PEAK1: variants seen among roughly 807,000 people sequenced by gnomAD.
The protein encoded by PEAK1 is pseudopodium enriched atypical kinase 1.
Under a neutral mutation model 124.7 loss-of-function variants are expected in PEAK1, and 54 were observed. The observed-to-expected ratio is 0.43, with a 90% CI of 0.35 to 0.54. PEAK1 has a LOEUF of 0.54. Ranked by LOEUF, PEAK1 falls within the 20% of genes least tolerant of loss-of-function variation. PEAK1 has a pLI of 0.01. For synonymous variants in PEAK1, 719 were observed against 760.0 expected (o/e 0.95, Z 0.89); for missense variants, 2,046 against 2,134.5 (o/e 0.96, Z 0.82).
chr15:77,313,783 T>C (rs1156396681), intron 2 of PEAK1, among the ~76,000 whole-genome samples: 1 of 150,404 alleles, frequency 6.6e-6, no homozygotes, highest in Non-Finnish European at 1.5e-5. Context: ...GATTTCTCCA[T>C]GTTGGTCAGG....
In PEAK1 at chr15:77,114,432, G is replaced by A. The variant is rs1470838639; in HGVS notation, c.4965C>T (p.Leu1655=). Residue 1655 remains leucine, a synonymous_variant, in exon 10 of 10, where the codon CTC becomes CTT. Coordinates refer to ENST00000682557, the MANE Select transcript of PEAK1 (RefSeq NM_001385026.1). ...LLNPNPSERI[L]ISDAKGILQC... ...GGAGGATGCCTTTGGCGTCTGAAATGAGGATCCGCTCAGAAGGGTTGGGAT... is the reference window on the plus strand; with the variant it reads ...GGAGGATGCCTTTGGCGTCTGAAATAAGGATCCGCTCAGAAGGGTTGGGAT... 6.2e-7 allele frequency: 1 copy of A among 1,614,022 alleles called. No individual in the cohort carries two copies. The highest frequency in any genetic ancestry group is 1.3e-5 in the African/African-American group (1 of 74,896).
rs559192671 is a variant in PEAK1, at chr15:77,153,791, G to A, written c.3331+4712C>T. Reference sequence around the variant, plus strand: ...TTGTTCAGTTTCCATGCAGTTGAGCGGTTTTGAGTGAATTTCTTAATCCTG... The same window carrying A: ...TTGTTCAGTTTCCATGCAGTTGAGCAGTTTTGAGTGAATTTCTTAATCCTG... On this transcript the variant is annotated intron_variant, in intron 8 of 9. Transcript: ENST00000682557. Among the ~76,000 whole-genome samples the A allele has an allele frequency of 4.7e-4, 72 of 152,242 alleles. 2 individuals carry two copies. The South Asian group carries it at 0.011, about 24-fold the overall frequency.
At chr15:77,349,744 C>T in intron 2 of PEAK1, 1 of 985,200 alleles carries the variant, frequency 1.0e-6, no homozygotes, top group Non-Finnish European at 1.2e-6. Context: ...CATTCTTAGA[C>T]TTAAGTTGAG....
chr15:77,402,092 TG>T, intron 1 of PEAK1: 1 of 844,734 alleles, frequency 1.2e-6, no homozygotes, highest in Non-Finnish European at 1.4e-6. Flanking sequence ...CCAGCTACTA[TG>T]GTGGCTGAGA....
At chr15:77,120,899 C>T (rs2051854607) in intron 9 of PEAK1, among the ~76,000 whole-genome samples, 1 of 152,136 alleles carries the variant, frequency 6.6e-6, no homozygotes, top group Non-Finnish European at 1.5e-5. Context: ...TCCTTGTCAC[C>T]CCTCATCTGC....
intron 2 of PEAK1, among the ~76,000 whole-genome samples, chr15:77,317,794 G>A (rs1012981263): frequency 1.3e-5 from 2 of 152,278 alleles, no homozygotes; most frequent in East Asian, 1.9e-4. Context: ...TTAGGCAAAT[G>A]TTTATTGTAG....
chr15:77,240,134 G>A (rs971703466), intron 6 of PEAK1, among the ~76,000 whole-genome samples: 2 of 152,108 alleles, frequency 1.3e-5, no homozygotes, highest in Admixed American at 6.6e-5. Flanking sequence ...ATGCCCATTT[G>A]CTGACAAGTA....
chr15:77,168,821 C>T (rs1306647853), intron 7 of PEAK1, among the ~76,000 whole-genome samples: 1 of 152,150 alleles, frequency 6.6e-6, no homozygotes. Context: ...GGGGTTTGGA[C>T]AGAATCCCAG....
chr15:77,182,552 G>A (rs2057330092), intron 6 of PEAK1, among the ~76,000 whole-genome samples: 1 of 151,932 alleles, frequency 6.6e-6, no homozygotes, highest in Admixed American at 6.6e-5. Context: ...AGGAGTTCAA[G>A]ACCAGCCTGG....
chr15:77,203,079 T>C (rs1180691332), intron 6 of PEAK1, among the ~76,000 whole-genome samples: 3 of 151,904 alleles, frequency 2.0e-5, no homozygotes, highest in Non-Finnish European at 4.4e-5. Flanking sequence ...AAAATGTATT[T>C]ATGCATTAAG....
At chr15:77,165,893 G>C (rs1470228980) in intron 7 of PEAK1, among the ~76,000 whole-genome samples, 1 of 152,182 alleles carries the variant, frequency 6.6e-6, no homozygotes, top group East Asian at 1.9e-4. Context: ...GTAGAGTTGG[G>C]ATCTGAATAG....
intron 2 of PEAK1, chr15:77,350,560 T>C: frequency 1.0e-6 from 1 of 980,222 alleles, no homozygotes; most frequent in Non-Finnish European, 1.2e-6. Context: ...AGTGTTAAAT[T>C]TATAATTAGA....
chr15:77,284,148 A>C, intron 4 of PEAK1, 118 bp from the exon 5 acceptor site: 1 of 394,956 alleles, frequency 2.5e-6, no homozygotes, highest in Non-Finnish European at 3.4e-6. Flanking sequence ...TATTTAACCC[A>C]CAAGAGTATG....
intron 2 of PEAK1, among the ~76,000 whole-genome samples, chr15:77,341,379 A>G (rs575829756): frequency 6.6e-6 from 1 of 152,210 alleles, no homozygotes. Context: ...ACGTGACTGT[A>G]ATCCCAGCTC....
intron 2 of PEAK1, among the ~76,000 whole-genome samples, chr15:77,296,767 T>C (rs923813362): frequency 6.6e-6 from 1 of 151,730 alleles, no homozygotes; most frequent in Admixed American, 6.6e-5. Flanking sequence ...GGATTGTTCT[T>C]AGGAGGTCTC....
chr15:77,235,754 A>G (rs547690790), intron 6 of PEAK1, among the ~76,000 whole-genome samples: 5 of 152,300 alleles, frequency 3.3e-5, no homozygotes, highest in Admixed American at 3.3e-4. Context: ...ACAGGCCTGG[A>G]GGCCTAGGAG....
At chr15:77,415,731 T>C (rs974586263) in intron 1 of PEAK1, among the ~76,000 whole-genome samples, 2 of 152,212 alleles carry the variant, frequency 1.3e-5, no homozygotes, top group African/African-American at 4.8e-5. Context: ...AAAGTGAGAC[T>C]ACCTTCTACT....
chr15:77,264,360 T>C (rs961806652), intron 5 of PEAK1, among the ~76,000 whole-genome samples: 22 of 152,206 alleles, frequency 1.4e-4, no homozygotes, highest in East Asian at 5.8e-4. Context: ...AAAACCCCAT[T>C]GTCTCAGCCC....
rs576575532 is a variant in PEAK1 at position 77,377,985 on chromosome 15, A to G, written c.-665-12760T>C. 2.0e-5 allele frequency among the ~76,000 whole-genome samples: 3 copies of G among 152,286 alleles called. No individual in the cohort carries two copies. In the East Asian group the frequency reaches 5.8e-4, roughly 29 times the overall value. ...TGGACATGTAAAAACCACATGTGGT[A>G]TATTTTCTTCCAGTGCAACAACGCC... On this transcript the variant is annotated intron_variant, in intron 1 of 9. Coordinates refer to ENST00000682557, the MANE Select transcript of PEAK1 (RefSeq NM_001385026.1).
Sources: gnomAD v4.1 joint callset for allele counts (sites outside exome capture counted in the v4.1 genomes callset) on GRCh38, gnomAD v4.1.1 for gene constraint, MANE v1.5 for transcripts, NCBI Gene and HGNC (gene_info 2026-07-23, HGNC 2026-07-21) for gene names.